The following DHRS12 variants were observed in gnomAD, a reference collection of about 807,000 sequenced individuals.
The protein encoded by DHRS12 is dehydrogenase/reductase 12, also known as dehydrogenase/reductase SDR family member 12.
A neutral mutation model predicts 32.1 loss-of-function variants in DHRS12; 29 were observed. The ratio of observed to expected loss-of-function variants is 0.90; its 90% confidence interval spans 0.67 to 1.23. The LOEUF is 1.23. Among genes scored for constraint, DHRS12 ranks in the 50% most tolerant of loss-of-function variants. The probability of loss-of-function intolerance (pLI) is 0.00; values close to 1 mark genes in which losing one functional copy is unlikely to be tolerated. For missense variants in DHRS12, 330 were observed against 337.2 expected, an observed-to-expected ratio of 0.98 and a Z score of 0.17; for synonymous variants, 150 against 135.9, an observed-to-expected ratio of 1.10 and a Z score of -0.72.
chr13:51,755,467 A>T, the DHRS12 span: 1 of 1,610,736 alleles, frequency 6.2e-7, no homozygotes. Flanking sequence ...CAGGTGAGTG[A>T]TATGGATGCT....
the DHRS12 span, among the ~76,000 whole-genome samples, chr13:51,759,027 C>A: frequency 1.3e-5 from 2 of 152,024 alleles, no homozygotes; most frequent in South Asian, 2.1e-4. Context: ...ACAAAAAAAT[C>A]AAAAATTAGC....
intron 7 of DHRS12, among the ~76,000 whole-genome samples, chr13:51,770,449 T>C (rs948340615): frequency 3.9e-5 from 6 of 152,214 alleles, no homozygotes; most frequent in Admixed American, 1.3e-4. Context: ...ATTGTCAGAA[T>C]GGTGTCCTTG....
chr13:51,769,558 A>G (rs77580290), intron 7 of DHRS12, among the ~76,000 whole-genome samples: 7,054 of 152,152 alleles, frequency 0.046, 235 homozygotes, highest in Middle Eastern at 0.082. Context: ...CACCCAGCCC[A>G]GCCCTGAGAG....
chr13:51,784,303 C>A (rs1954853056), intron 4 of DHRS12, among the ~76,000 whole-genome samples: 1 of 152,144 alleles, frequency 6.6e-6, no homozygotes, highest in Non-Finnish European at 1.5e-5. Flanking sequence ...AGCATCTGAC[C>A]AGGCTCAGGG....
intron 8 of DHRS12, 54 bp from the exon 9 acceptor site, chr13:51,768,350 T>C: frequency 1.3e-6 from 2 of 1,533,650 alleles, no homozygotes; most frequent in Non-Finnish European, 8.7e-7. Flanking sequence ...CGTGGCTGGG[T>C]CCATGTCCCT....
At chr13:51,771,225 G>C in intron 7 of DHRS12, 1 of 1,551,564 alleles carries the variant, frequency 6.4e-7, no homozygotes, top group Admixed American at 2.0e-5. Flanking sequence ...TGTGTGCTGT[G>C]GCTGCTGCTG....
chr13:51,794,088 C>T (rs1327766666), intron 2 of DHRS12, among the ~76,000 whole-genome samples: 1 of 152,184 alleles, frequency 6.6e-6, no homozygotes. Context: ...GAAGGAGAGG[C>T]TGGCAGTCTG....
chr13:51,768,747 CAG>C, intron 8 of DHRS12: 2 of 1,140,996 alleles, frequency 1.8e-6, no homozygotes, highest in Non-Finnish European at 2.2e-6. Flanking sequence ...GAGACGTGAA[CAG>C]ATCACTGCTT....
At chr13:51,757,518 G>A in the DHRS12 span, among the ~76,000 whole-genome samples, 1 of 151,188 alleles carries the variant, frequency 6.6e-6, no homozygotes, top group African/African-American at 2.4e-5. Flanking sequence ...AGCATGATAA[G>A]AGCAGTCTCC....
chr13:51,800,158 G>A (rs1955687127), intron 1 of DHRS12, among the ~76,000 whole-genome samples: 1 of 152,172 alleles, frequency 6.6e-6, no homozygotes, highest in African/African-American at 2.4e-5. Flanking sequence ...CCCATCAGAG[G>A]AAGCCAAGGC....
Position 51,782,054 on chromosome 13 carries a change from T to C in DHRS12, c.302-4933A>G, listed in dbSNP as rs1274146306. ...CAAAGGCACGATCACTGCTTGGATA[T>C]GAGAAGTGAGGGGGTGTCAAGGACA... On this transcript the variant is annotated intron_variant, in intron 4 of 8. Coordinates refer to ENST00000444610, the MANE Select transcript of DHRS12 (RefSeq NM_001377533.1). The surrounding 1 kb of genome is among the most constrained non-coding windows in gnomAD (Gnocchi z 4.2). Among the ~76,000 whole-genome samples, 1 of 151,962 alleles carries C rather than the reference T, an allele frequency of 6.6e-6. No individual in the cohort carries two copies. The highest frequency in any genetic ancestry group is 1.5e-5 in the Non-Finnish European group (1 of 67,996).
rs1669963015 is a variant in DHRS12, at chr13:51,777,589, TG to T, written c.302-469del. Among the ~76,000 whole-genome samples, 3 of 152,252 alleles carry T rather than the reference TG, an allele frequency of 2.0e-5. No homozygotes were observed. In the South Asian group the frequency reaches 6.2e-4, roughly 31 times the overall value. ...TTTTTACAATGAGCATATAACTTTA[TG>T]GTTATTTCTTCAATCAAGAAATATA... On this transcript the variant is annotated intron_variant, in intron 4 of 8. Coordinates refer to ENST00000444610, the MANE Select transcript of DHRS12 (RefSeq NM_001377533.1).
At chr13:51,757,130 C>A in the DHRS12 span, among the ~76,000 whole-genome samples, 8 of 152,218 alleles carry the variant, frequency 5.3e-5, no homozygotes, top group African/African-American at 1.9e-4. Flanking sequence ...CTCAATCCTT[C>A]CAGCACCTTG....
Position 51,790,074 on chromosome 13 carries a change from T to C in DHRS12, c.238A>G (p.Met80Val), listed in dbSNP as rs1311385199. 6 of 1,596,258 alleles carry C rather than the reference T, an allele frequency of 3.8e-6. No individual in the cohort carries two copies. The highest frequency in any genetic ancestry group is 5.1e-6 in the Non-Finnish European group (6 of 1,174,816). Reference sequence around the variant, plus strand: ...TCTGTGAGCTCTCTTTTATTGACCATGCAACCTGCATTATTGATCTAAAAT... The same window carrying C: ...TCTGTGAGCTCTCTTTTATTGACCACGCAACCTGCATTATTGATCTAAAAT... ...LHVLINNAGCMVNKRELTEDG... is the reference protein window; with the variant it reads ...LHVLINNAGCVVNKRELTEDG... The change falls in exon 4 of 9, where the codon ATG (methionine) becomes GTG (valine). Residue 80 changes from methionine (M) to valine (V), a missense_variant. Transcript: ENST00000444610.
chr13:51,800,010 G>A (rs1955680960), intron 1 of DHRS12, among the ~76,000 whole-genome samples: 1 of 152,196 alleles, frequency 6.6e-6, no homozygotes, highest in African/African-American at 2.4e-5. Context: ...TGGGGGGCAG[G>A]TTTCAGGAAG....
intron 6 of DHRS12, 96 bp downstream of exon 6, chr13:51,773,834 G>A: frequency 9.7e-7 from 1 of 1,027,082 alleles, no homozygotes; most frequent in Admixed American, 1.8e-5. Context: ...AACTACTAAG[G>A]TCCGATTAAT....
chr13:51,769,513 G>A (rs148005317), intron 7 of DHRS12, among the ~76,000 whole-genome samples: 1 of 152,110 alleles, frequency 6.6e-6, no homozygotes, highest in African/African-American at 2.4e-5. Flanking sequence ...GCTCACCAGA[G>A]GCCTGATTGA....
At chr13:51,790,371 G>A (rs1279883066) in intron 3 of DHRS12, among the ~76,000 whole-genome samples, 3 of 151,998 alleles carry the variant, frequency 2.0e-5, no homozygotes, top group South Asian at 2.1e-4. Flanking sequence ...AGTCCAGAAC[G>A]GTCCAATAGA....
rs752919774 is a variant in DHRS12 at position 51,771,802 on chromosome 13, A to G, written c.559+19T>C. ...TAGATGAAACGTAAGTGGCTCAGCA[A>G]TTAAAGGCTATGACATACCTGGGGT... On this transcript the variant is annotated intron_variant, in intron 7 of 8. Coordinates refer to ENST00000444610, the MANE Select transcript of DHRS12 (RefSeq NM_001377533.1). The G allele has an allele frequency of 2.5e-6, 4 of 1,613,370 alleles. No individual in the cohort carries two copies. In the African/African-American group the frequency reaches 5.3e-5, roughly 22 times the overall value.
Sources: allele counts gnomAD v4.1 joint callset (sites outside exome capture counted in the v4.1 genomes callset), GRCh38; gene constraint gnomAD v4.1.1; non-coding constraint Gnocchi (gnomAD v3.1); transcripts MANE v1.5; gene names NCBI Gene and HGNC (gene_info 2026-07-23, HGNC 2026-07-21).